CNTLN: variants seen among roughly 807,000 people sequenced by gnomAD.
CNTLN encodes centlein.
In CNTLN, 212 loss-of-function variants were observed where a neutral mutation model predicts 180.0. The ratio of observed to expected loss-of-function variants is 1.18; its 90% CI spans 1.05 to 1.32. The LOEUF (loss-of-function observed/expected upper bound fraction) is 1.32, where lower values mean the gene tolerates loss of function less well. Among genes scored for constraint, CNTLN ranks in the 40% most tolerant of loss-of-function variants. The pLI, the probability that CNTLN is intolerant of heterozygous loss-of-function variation, is 0.00. For synonymous variants in CNTLN, 722 were observed against 563.1 expected, an observed-to-expected ratio of 1.28 and a Z score of -3.99; for missense variants, 2,095 against 1,610.9, an observed-to-expected ratio of 1.30 and a Z score of -5.14.
chr9:17,187,147 C>G (rs1233722773), intron 2 of CNTLN, among the ~76,000 whole-genome samples: 1 of 152,018 alleles, frequency 6.6e-6, no homozygotes, highest in Admixed American at 6.5e-5. Flanking sequence ...TGAATTTTGG[C>G]TTTGTTACTT....
chr9:17,288,172 G>T (rs1201911953), intron 6 of CNTLN, among the ~76,000 whole-genome samples: 1 of 123,712 alleles, frequency 8.1e-6, no homozygotes, highest in African/African-American at 3.7e-5. Context: ...TCTACACACT[G>T]CTTTGAATGC....
At chr9:17,497,492 C>G (rs1833524219) in intron 25 of CNTLN, among the ~76,000 whole-genome samples, 1 of 152,174 alleles carries the variant, frequency 6.6e-6, no homozygotes, top group Non-Finnish European at 1.5e-5. Context: ...TCCCCAACCC[C>G]AAGGACTTTA....
chr9:17,298,115 C>T, intron 6 of CNTLN, 75 bp from the exon 7 acceptor site: 3 of 1,272,416 alleles, frequency 2.4e-6, no homozygotes, highest in Non-Finnish European at 3.1e-6. Flanking sequence ...AATCTGTAAC[C>T]TTAGATGAAC....
intron 6 of CNTLN, among the ~76,000 whole-genome samples, chr9:17,281,585 C>T (rs1247614642): frequency 6.6e-6 from 1 of 152,146 alleles, no homozygotes; most frequent in Admixed American, 6.5e-5. Context: ...TGGCTTCCAG[C>T]TCCATCCATG....
chr9:17,150,873 G>T (rs1818819017), intron 2 of CNTLN, among the ~76,000 whole-genome samples: 1 of 152,124 alleles, frequency 6.6e-6, no homozygotes, highest in Admixed American at 6.6e-5. Flanking sequence ...CACATCCTTT[G>T]TAAGTTGTAT....
intron 12 of CNTLN, among the ~76,000 whole-genome samples, chr9:17,348,320 C>A (rs753012968): frequency 1.3e-5 from 2 of 152,108 alleles, no homozygotes; most frequent in African/African-American, 4.8e-5. Flanking sequence ...GACTGTGGAT[C>A]TTATTTAAAT....
At chr9:17,210,774 G>T (rs1386268822) in intron 2 of CNTLN, among the ~76,000 whole-genome samples, 1 of 152,182 alleles carries the variant, frequency 6.6e-6, no homozygotes, top group Non-Finnish European at 1.5e-5. Context: ...GTATCTCATT[G>T]TGGTTTTGAT....
At chr9:17,306,259 C>T (rs187186482) in intron 7 of CNTLN, among the ~76,000 whole-genome samples, 3 of 150,942 alleles carry the variant, frequency 2.0e-5, no homozygotes, top group African/African-American at 7.3e-5. Context: ...AAGTGATTCT[C>T]CTGCCTCAGC....
Position 17,475,165 on chromosome 9 carries a change from C to T in CNTLN, c.3855+8274C>T, listed in dbSNP as rs114422922. On this transcript the variant is annotated intron_variant, in intron 23 of 25. Transcript: ENST00000380647. ...AGTTTATCTTGTCACTACTTGAGGTCTCTTTGCCCTGTCAAATTTCAAACA... is the reference window on the plus strand; with the variant it reads ...AGTTTATCTTGTCACTACTTGAGGTTTCTTTGCCCTGTCAAATTTCAAACA... Among the ~76,000 whole-genome samples the T allele has an allele frequency of 4.9e-3, 752 of 152,208 alleles. 6 individuals are homozygous for T. Among genetic ancestry groups the T allele is most frequent in the African/African-American group, 0.018 (735 of 41,552 alleles).
At chr9:17,146,108 T>G (rs1371773215) in intron 2 of CNTLN, among the ~76,000 whole-genome samples, 1 of 152,212 alleles carries the variant, frequency 6.6e-6, no homozygotes, top group Non-Finnish European at 1.5e-5. Flanking sequence ...CAACATCATC[T>G]GTTTATTTGG....
At chr9:17,245,530 G>A (rs1253639624) in intron 5 of CNTLN, among the ~76,000 whole-genome samples, 1 of 150,502 alleles carries the variant, frequency 6.6e-6, no homozygotes, top group East Asian at 2.0e-4. Context: ...GTTTTCTTTG[G>A]GTTACATCTA....
intron 8 of CNTLN, among the ~76,000 whole-genome samples, chr9:17,310,886 T>A (rs564281870): frequency 6.6e-6 from 1 of 152,340 alleles, no homozygotes; most frequent in African/African-American, 2.4e-5. Flanking sequence ...TATTGGATTT[T>A]TTCTTACTGA....
At chr9:17,489,804 AT>A (rs1304890672) in intron 25 of CNTLN, among the ~76,000 whole-genome samples, 23 of 151,938 alleles carry the variant, frequency 1.5e-4, no homozygotes, top group Non-Finnish European at 2.8e-4. Flanking sequence ...GCTATTGGTA[AT>A]TTTTTATATT....
intron 6 of CNTLN, among the ~76,000 whole-genome samples, chr9:17,292,905 C>G (rs1207628121): frequency 1.3e-5 from 2 of 152,132 alleles, no homozygotes; most frequent in Non-Finnish European, 2.9e-5. Flanking sequence ...TTCATTGATT[C>G]TTTCTCATCT....
chr9:17,354,170 C>T (rs1010734841), intron 12 of CNTLN, among the ~76,000 whole-genome samples: 4 of 152,180 alleles, frequency 2.6e-5, no homozygotes, highest in South Asian at 2.1e-4. Context: ...GGTGCCTTCC[C>T]GCCGGGCAGG....
rs190696197 is a variant in CNTLN at position 17,491,956 on chromosome 9, T to C, written c.4119+4890T>C. ...GTTTCTCCTTGCATCTCTGAAGCCATTTACTCTGTGGTTATTTCCTGTGTT... is the reference window on the plus strand; with the variant it reads ...GTTTCTCCTTGCATCTCTGAAGCCACTTACTCTGTGGTTATTTCCTGTGTT... On this transcript the variant is annotated intron_variant, in intron 25 of 25. Coordinates refer to ENST00000380647, the MANE Select transcript of CNTLN (RefSeq NM_017738.4). Among the ~76,000 whole-genome samples the C allele has an allele frequency of 2.0e-3, 301 of 150,088 alleles. 2 individuals are homozygous for C. The highest frequency in any genetic ancestry group is 7.2e-3 in the African/African-American group (285 of 39,530).
chr9:17,322,365 A>C (rs903265426), intron 8 of CNTLN, among the ~76,000 whole-genome samples: 1 of 152,164 alleles, frequency 6.6e-6, no homozygotes, highest in Non-Finnish European at 1.5e-5. Context: ...TTATATTCAC[A>C]AAATTTGAAC....
chr9:17,146,664 G>C (rs879677180), intron 2 of CNTLN, among the ~76,000 whole-genome samples: 5 of 152,090 alleles, frequency 3.3e-5, no homozygotes, highest in Non-Finnish European at 5.9e-5. Flanking sequence ...CCAGAGCTGT[G>C]AGCAATACAT....
chr9:17,211,616 A>C (rs1364444357), intron 2 of CNTLN, among the ~76,000 whole-genome samples: 2 of 152,080 alleles, frequency 1.3e-5, no homozygotes, highest in African/African-American at 2.4e-5. Context: ...CTTGATGGGG[A>C]TGGCATTGAA....
Sources: gnomAD v4.1 joint callset for allele counts (sites outside exome capture counted in the v4.1 genomes callset) on GRCh38, gnomAD v4.1.1 for gene constraint, MANE v1.5 for transcripts, NCBI Gene and HGNC (gene_info 2026-07-23, HGNC 2026-07-21) for gene names.